Variants in HDAC4 observed in about 807,000 individuals in gnomAD.
HDAC4 encodes the protein histone deacetylase A.
A neutral mutation model predicts 135.1 loss-of-function variants in HDAC4; 16 were observed. That is an observed-to-expected ratio of 0.12 (90% CI 0.08 to 0.18). The LOEUF (loss-of-function observed/expected upper bound fraction) is 0.18. Among genes scored for constraint, HDAC4 ranks in the 10% least tolerant of loss-of-function variants. The pLI is 1.00. For missense variants in HDAC4, 1,143 were observed against 1,511.8 expected (o/e 0.76, Z 4.05); for synonymous variants, 685 against 653.4 (o/e 1.05, Z -0.74).
At chr2:239,102,566 G>T in intron 16 of HDAC4, 1 of 592,856 alleles carries the variant, frequency 1.7e-6, no homozygotes. Context: ...TCTCAGCCCA[G>T]TTTTTACACA....
At chr2:239,138,884 A>T (rs2041154638) in intron 9 of HDAC4, among the ~76,000 whole-genome samples, 1 of 152,182 alleles carries the variant, frequency 6.6e-6, no homozygotes. Flanking sequence ...TGCCCTGGAA[A>T]GCCTCCGAGT....
At position 239,189,862 on chromosome 2, in the gene HDAC4, G is replaced by T; in HGVS notation, c.310C>A (p.His104Asn). 1 of 1,609,180 alleles carries T rather than the reference G, an allele frequency of 6.2e-7. No homozygotes were observed. The change falls in exon 4 of 27, where the codon CAC becomes AAC. Residue 104 changes from histidine to asparagine, a missense_variant. Physicochemically the swap from His to Asn is moderately conservative, Grantham distance 68. Coordinates refer to ENST00000543185, the MANE Select transcript of HDAC4 (RefSeq NM_001378414.1). ...ATGTGCTCGTGGAGCTGCGCCTCGT[G>T]CTGCCGGGAGAGCTGCTCGTGCTGC... ...QRQHEQLSRQ[H>N]EAQLHEHIKQ...
At chr2:239,350,274 T>TA (rs553735759) in intron 2 of HDAC4, among the ~76,000 whole-genome samples, 8 of 150,120 alleles carry the variant, frequency 5.3e-5, no homozygotes, top group Admixed American at 1.3e-4. Flanking sequence ...TTTTAAGCTT[T>TA]AAAAAAAAAC....
At chr2:239,183,106 T>A (rs926864141) in intron 4 of HDAC4, among the ~76,000 whole-genome samples, 4 of 152,222 alleles carry the variant, frequency 2.6e-5, no homozygotes, top group African/African-American at 9.6e-5. Flanking sequence ...TAAAATAAGA[T>A]GACTACGACC....
At chr2:239,121,402 C>T (rs1010163799) in intron 12 of HDAC4, among the ~76,000 whole-genome samples, 2 of 152,298 alleles carry the variant, frequency 1.3e-5, no homozygotes, top group African/African-American at 4.8e-5. Flanking sequence ...TTTCAGGGGC[C>T]CCAAGGCCAC....
rs1012934456 is a variant in HDAC4, at chr2:239,262,689, G to A, written c.23-26025C>T. 4.6e-5 allele frequency among the ~76,000 whole-genome samples: 7 copies of A among 152,180 alleles called. No homozygotes were observed. Among genetic ancestry groups the A allele is most frequent in the Non-Finnish European group, 1.0e-4 (7 of 68,040 alleles). ...AGGGGTGGGCAGGCACCACAAGCGGGACACCCCCAAGGGTGCACACGGCTG... is the reference window on the plus strand; with the variant it reads ...AGGGGTGGGCAGGCACCACAAGCGGAACACCCCCAAGGGTGCACACGGCTG... On this transcript the variant is annotated intron_variant, in intron 2 of 26. Coordinates refer to ENST00000543185, the MANE Select transcript of HDAC4 (RefSeq NM_001378414.1). The surrounding 1 kb of genome is among the most constrained non-coding windows in gnomAD (Gnocchi z 4.1).
chr2:239,315,823 G>A (rs2053092345), intron 2 of HDAC4, among the ~76,000 whole-genome samples: 1 of 152,200 alleles, frequency 6.6e-6, no homozygotes, highest in African/African-American at 2.4e-5. Context: ...ACATCTTCTG[G>A]AAGTCAAGGA....
chr2:239,055,956 C>T (rs989125867), intron 24 of HDAC4, among the ~76,000 whole-genome samples: 8 of 152,280 alleles, frequency 5.3e-5, no homozygotes, highest in Admixed American at 5.2e-4. Flanking sequence ...AGACGCACGA[C>T]GACGTGTCAA....
intron 2 of HDAC4, among the ~76,000 whole-genome samples, chr2:239,253,922 C>G (rs554807308): frequency 2.0e-5 from 3 of 152,122 alleles, no homozygotes; most frequent in African/African-American, 7.2e-5. Flanking sequence ...GAACTGAGAC[C>G]CTGTGTCCGG....
At chr2:239,195,287 G>A (rs1414641789) in intron 3 of HDAC4, among the ~76,000 whole-genome samples, 2 of 152,308 alleles carry the variant, frequency 1.3e-5, no homozygotes, top group African/African-American at 2.4e-5. Flanking sequence ...AGCACACGCC[G>A]CCTGCATCCC....
intron 2 of HDAC4, among the ~76,000 whole-genome samples, chr2:239,319,087 G>C (rs747701111): frequency 3.3e-5 from 5 of 151,732 alleles, no homozygotes; most frequent in Non-Finnish European, 5.9e-5. Context: ...ACTCTCAGAC[G>C]AACAAAAAAC....
chr2:239,240,062 T>C lies in HDAC4; in HGVS notation c.23-3398A>G, dbSNP rs1178987211. Among the ~76,000 whole-genome samples the C allele has an allele frequency of 2.0e-5, 3 of 152,234 alleles. No homozygotes were observed. ...AGCATGACAGATGCCGCATCCCTCA[T>C]TATGAAAGGCTGGGGCTCAGGGCAG... is the stretch of plus-strand genomic sequence containing the variant. On this transcript the variant is annotated intron_variant, in intron 2 of 26. Coordinates refer to ENST00000543185, the MANE Select transcript of HDAC4 (RefSeq NM_001378414.1). This position sits in a 1 kb window ranked among gnomAD's most constrained non-coding sequence, Gnocchi z 4.5.
At chr2:239,151,080 C>G (rs1419236275) in intron 7 of HDAC4, among the ~76,000 whole-genome samples, 1 of 152,258 alleles carries the variant, frequency 6.6e-6, no homozygotes, top group Non-Finnish European at 1.5e-5. Flanking sequence ...AACAGAGAGC[C>G]CCTTCCCAAA....
intron 2 of HDAC4, among the ~76,000 whole-genome samples, chr2:239,326,246 C>G (rs1559365492): frequency 6.6e-6 from 1 of 152,078 alleles, no homozygotes; most frequent in Non-Finnish European, 1.5e-5. Flanking sequence ...ACACATTATG[C>G]CAAGTGAAAG....
chr2:239,296,074 A>G (rs1304004471), intron 2 of HDAC4, among the ~76,000 whole-genome samples: 1 of 152,242 alleles, frequency 6.6e-6, no homozygotes, highest in Non-Finnish European at 1.5e-5. Context: ...ACTGAGGCAC[A>G]AAGAGGCTCA....
intron 22 of HDAC4, among the ~76,000 whole-genome samples, chr2:239,073,076 G>A (rs1458937737): frequency 6.6e-6 from 1 of 152,320 alleles, no homozygotes; most frequent in East Asian, 1.9e-4. Flanking sequence ...GCTTCAGCCT[G>A]TTCAAGTCAG....
At chr2:239,061,335 C>G (rs565310071) in intron 24 of HDAC4, among the ~76,000 whole-genome samples, 1 of 146,840 alleles carries the variant, frequency 6.8e-6, no homozygotes, top group African/African-American at 2.5e-5. Flanking sequence ...AGAGGGCATA[C>G]CTGTGTGGTG....
chr2:239,320,613 C>G (rs2053276454), intron 2 of HDAC4, among the ~76,000 whole-genome samples: 1 of 152,124 alleles, frequency 6.6e-6, no homozygotes, highest in Non-Finnish European at 1.5e-5. Context: ...TTGGCAAATA[C>G]AAAATCCATG....
intron 24 of HDAC4, 142 bp from the exon 25 acceptor site, chr2:239,054,975 T>C (rs534012317): frequency 1.5e-5 from 10 of 685,336 alleles, no homozygotes; most frequent in African/African-American, 1.4e-4. Context: ...AAAAATAACT[T>C]TAAAAAGCCA....
Sources: gnomAD v4.1 joint callset for allele counts (sites outside exome capture counted in the v4.1 genomes callset) on GRCh38, gnomAD v4.1.1 for gene constraint, Gnocchi (gnomAD v3.1) non-coding constraint, MANE v1.5 for transcripts, NCBI Gene and HGNC (gene_info 2026-07-23, HGNC 2026-07-21) for gene names.